Variants in E2F7 observed in about 807,000 individuals in gnomAD.
E2F7 encodes E2F transcription factor 7, also known as transcription factor E2F7.
Under a neutral mutation model 81.1 loss-of-function variants are expected in E2F7, and 35 were observed. The observed-to-expected ratio is 0.43, with a 90% CI of 0.33 to 0.57. E2F7 has a LOEUF of 0.57. Among genes scored for constraint, E2F7 ranks in the 20% least tolerant of loss-of-function variants. E2F7 has a pLI of 0.04. For synonymous variants in E2F7, 416 were observed against 416.2 expected (o/e 1.00, Z 0.01); for missense variants, 961 against 1,093.7 (o/e 0.88, Z 1.71).
intron 2 of E2F7, among the ~76,000 whole-genome samples, chr12:77,059,690 GCA>G (rs919824399): frequency 2.4e-4 from 37 of 152,310 alleles, no homozygotes; most frequent in African/African-American, 8.4e-4. Context: ...GGTAGAAGTA[GCA>G]CAGACATATA....
Position 77,033,847 on chromosome 12 carries a change from G to C in E2F7, c.1309+10C>G. 1 of 1,586,396 alleles carries C rather than the reference G, an allele frequency of 6.3e-7. No individual in the cohort carries two copies. The highest frequency in any genetic ancestry group is 8.6e-7 in the Non-Finnish European group (1 of 1,166,828). On this transcript the variant is annotated intron_variant, in intron 8 of 12. Transcript: ENST00000322886. ...CTGATGGACTCCATAGATTATGCAA[G>C]GGCAGATACCTTGTTCTTCTCTGTA...
At chr12:77,030,431 T>C (rs1228051460) in intron 9 of E2F7, 99 bp from the exon 10 acceptor site, 2 of 1,425,392 alleles carry the variant, frequency 1.4e-6, no homozygotes, top group Non-Finnish European at 1.9e-6. Context: ...AATGAGATAA[T>C]ACTCCTCAGG....
At chr12:77,058,422 G>A (rs1955051977) in intron 2 of E2F7, among the ~76,000 whole-genome samples, 2 of 152,150 alleles carry the variant, frequency 1.3e-5, no homozygotes, top group African/African-American at 4.8e-5. Context: ...GCTGAAGGCA[G>A]AACTTTCTGA....
At chr12:77,032,077 T>C (rs310827) in intron 9 of E2F7, among the ~76,000 whole-genome samples, 145,553 of 152,306 alleles carry the variant, frequency 0.96, 69,754 homozygotes, top group East Asian at 1. Flanking sequence ...TTTCCACCTC[T>C]GGTGAGCACA....
chr12:77,045,893 C>T, intron 5 of E2F7, 145 bp downstream of exon 5: 1 of 1,074,554 alleles, frequency 9.3e-7, no homozygotes, highest in Non-Finnish European at 1.3e-6. Flanking sequence ...GAGCCATCTG[C>T]TTCTCTTTCT....
intron 7 of E2F7, among the ~76,000 whole-genome samples, chr12:77,039,630 T>C (rs1056829799): frequency 1.3e-5 from 2 of 152,172 alleles, no homozygotes; most frequent in African/African-American, 2.4e-5. Flanking sequence ...CCTATCAGGA[T>C]GGCTAAAATT....
Position 77,025,760 on chromosome 12 carries a change from A to C in E2F7, c.2363T>G (p.Leu788Arg). 1 of 1,614,166 alleles carries C rather than the reference A, an allele frequency of 6.2e-7. No individual in the cohort carries two copies. The highest frequency in any genetic ancestry group is 1.3e-5 in the African/African-American group (1 of 75,046). Residue 788 changes from leucine (L) to arginine (R), a missense_variant, in exon 12 of 13, where the codon CTT becomes CGT. By Grantham distance (102) the Leu-to-Arg change is moderately radical. Around this residue, in one of 3 missense-constraint regions of E2F7, gnomAD observed 587 missense variants for 620.3 expected, o/e 0.95. Coordinates refer to ENST00000322886, the MANE Select transcript of E2F7 (RefSeq NM_203394.3). ...GACGAGAAGCTGGGCTATTGATCCA[A>C]GGCCAGGCAAGCTGAAATTCACAGG... The part of the protein sequence containing the change: ...TGPVNFSLPG[L>R]GSIAQLLVGP...
intron 4 of E2F7, among the ~76,000 whole-genome samples, chr12:77,047,128 T>A (rs1034001541): frequency 6.6e-6 from 1 of 152,026 alleles, no homozygotes; most frequent in African/African-American, 2.4e-5. Context: ...TTCCCAACAC[T>A]CCCAAGGCAG....
intron 3 of E2F7, among the ~76,000 whole-genome samples, chr12:77,050,985 A>G (rs1954982111): frequency 6.6e-6 from 1 of 152,188 alleles, no homozygotes; most frequent in African/African-American, 2.4e-5. Flanking sequence ...TGACAAATGA[A>G]AAATGAGAGT....
intron 5 of E2F7, chr12:77,045,823 C>T (rs1488647453): frequency 7.1e-6 from 4 of 565,878 alleles, no homozygotes; most frequent in African/African-American, 1.9e-5. Context: ...AGGCCAAACT[C>T]GAGTGAACTG....
chr12:77,025,452 C>G, intron 12 of E2F7, 106 bp downstream of exon 12: 3 of 1,313,404 alleles, frequency 2.3e-6, no homozygotes, highest in Non-Finnish European at 3.2e-6. Context: ...CCAGGTGGAG[C>G]CTGACCTAGT....
At chr12:77,038,998 A>G (rs1349112882) in intron 7 of E2F7, among the ~76,000 whole-genome samples, 1 of 152,250 alleles carries the variant, frequency 6.6e-6, no homozygotes, top group Non-Finnish European at 1.5e-5. Flanking sequence ...AGAGGCCAGT[A>G]TTAGCATGAC....
intron 6 of E2F7, chr12:77,044,212 C>T (rs1050527773): frequency 7.8e-5 from 35 of 448,602 alleles, no homozygotes; most frequent in African/African-American, 6.0e-4. Flanking sequence ...CCATGTCCCA[C>T]CACCCTTACC....
intron 4 of E2F7, among the ~76,000 whole-genome samples, chr12:77,049,570 T>C (rs1417604887): frequency 6.6e-6 from 1 of 152,186 alleles, no homozygotes; most frequent in Non-Finnish European, 1.5e-5. Flanking sequence ...TCTTACAGCC[T>C]GTAAATTAGA....
intron 7 of E2F7, 54 bp downstream of exon 7, chr12:77,043,011 A>G: frequency 1.7e-5 from 28 of 1,612,176 alleles, no homozygotes; most frequent in Non-Finnish European, 2.3e-5. Flanking sequence ...GACTTGGAAA[A>G]GGAACTGAGA....
At position 77,021,929 on chromosome 12, in the gene E2F7, T is replaced by C. The variant is rs149345223; in HGVS notation, c.*2086A>G. 253 of 152,322 alleles carry C rather than the reference T, an allele frequency of 1.7e-3. No individual in the cohort carries two copies. The highest frequency in any genetic ancestry group is 5.9e-3 in the African/African-American group (244 of 41,574). The allele number at this position is 152,322 out of a possible 1,614,324, so 9.4% of individuals were successfully genotyped here. A position where few individuals can be genotyped will look rare whatever the true frequency, so the allele number is the denominator to read the frequency against. ...GAAGCAATTGTCCTTGGTTTTCTAC[T>C]CCTAAGAATGGTCACCAAGTCATAA... On this transcript the variant is annotated 3_prime_UTR_variant, in exon 13 of 13. Transcript: ENST00000322886.
At position 77,055,936 on chromosome 12, in the gene E2F7, T is replaced by A. The variant is rs1183561148; in HGVS notation, c.288A>T (p.Pro96=). The change falls in exon 3 of 13, where the codon CCA becomes CCT. Residue 96 remains proline, a synonymous_variant. Transcript: ENST00000322886. ...NLKMLISAAS[P]DIRDREKKKG... ...TTTTCTTCTCCCGGTCCCTTATATCTGGGCTGGCAGCACTAATGAGCATCT... is the reference window on the plus strand; with the variant it reads ...TTTTCTTCTCCCGGTCCCTTATATCAGGGCTGGCAGCACTAATGAGCATCT... 6 of 1,614,030 alleles carry A rather than the reference T, an allele frequency of 3.7e-6. No individual in the cohort carries two copies. Among genetic ancestry groups the A allele is most frequent in the Non-Finnish European group, 5.1e-6 (6 of 1,180,022 alleles).
chr12:77,032,998 T>G, intron 9 of E2F7, 52 bp downstream of exon 9: 3 of 1,543,192 alleles, frequency 1.9e-6, no homozygotes, highest in Non-Finnish European at 2.6e-6. Flanking sequence ...TAGTCAAAGT[T>G]AACACTAGGA....
intron 7 of E2F7, among the ~76,000 whole-genome samples, chr12:77,040,777 G>A (rs1353419360): frequency 6.6e-6 from 1 of 152,082 alleles, no homozygotes; most frequent in Admixed American, 6.5e-5. Context: ...GATTTCACAG[G>A]TACATACCTA....
Sources: gnomAD v4.1 joint callset for allele counts (sites outside exome capture counted in the v4.1 genomes callset) on GRCh38, gnomAD v4.1.1 for gene constraint, gnomAD v4.1.1 regional missense constraint, MANE v1.5 for transcripts, NCBI Gene and HGNC (gene_info 2026-07-23, HGNC 2026-07-21) for gene names.